Variants in AOAH observed in about 807,000 individuals in gnomAD.
AOAH encodes the protein acyloxyacyl hydrolase, also known as acyloxyacyl hydrolase (neutrophil).
AOAH carries 64 observed loss-of-function variants against 92.2 expected under a neutral mutation model. That is an observed-to-expected ratio of 0.69 (90% CI 0.57 to 0.86). AOAH has a LOEUF of 0.86. AOAH is among the 40% of genes least tolerant of loss of function. The pLI is 0.00. For missense variants in AOAH, 656 were observed against 694.6 expected (o/e 0.94, Z 0.62); for synonymous variants, 263 against 254.5 (o/e 1.03, Z -0.32).
intron 13 of AOAH, among the ~76,000 whole-genome samples, chr7:36,569,507 ATCTATCTG>A (rs1442793837): frequency 1.8e-4 from 26 of 144,364 alleles, no homozygotes; most frequent in African/African-American, 2.9e-4. Context: ...CTATCTATCT[ATCTATCTG>A]TCTATCTTTC....
At chr7:36,654,214 G>C (rs182025352) in intron 4 of AOAH, among the ~76,000 whole-genome samples, 4 of 151,194 alleles carry the variant, frequency 2.6e-5, no homozygotes, top group African/African-American at 7.2e-5. Flanking sequence ...CCCAAGATAC[G>C]TAACACAAAA....
At chr7:36,687,553 A>G (rs1176106856) in intron 1 of AOAH, among the ~76,000 whole-genome samples, 1 of 149,706 alleles carries the variant, frequency 6.7e-6, no homozygotes. Context: ...TTTTTTTTCC[A>G]AAGAAAAGGG....
intron 6 of AOAH, among the ~76,000 whole-genome samples, chr7:36,631,185 A>AAAAT (rs1489161267): frequency 2.6e-5 from 4 of 152,098 alleles, no homozygotes; most frequent in Admixed American, 6.5e-5. Context: ...GTCTCTACTA[A>AAAAT]AAATACAAAA....
chr7:36,714,723 A>G (rs535598283), intron 1 of AOAH, among the ~76,000 whole-genome samples: 1 of 152,370 alleles, frequency 6.6e-6, no homozygotes, highest in East Asian at 1.9e-4. Context: ...CTAATGACAA[A>G]AACCACATGA....
intron 20 of AOAH, 82 bp downstream of exon 20, chr7:36,521,957 T>C: frequency 1.7e-6 from 2 of 1,174,128 alleles, no homozygotes; most frequent in Middle Eastern, 3.9e-4. Context: ...AGGATAAAAA[T>C]AAACACATGA....
chr7:36,577,668 A>G (rs565152732), intron 12 of AOAH, among the ~76,000 whole-genome samples: 45 of 152,250 alleles, frequency 3.0e-4, no homozygotes, highest in African/African-American at 9.9e-4. Context: ...CTTTCGCTTA[A>G]TATAGATGTA....
chr7:36,618,188 A>G (rs1792031628), intron 10 of AOAH, 109 bp downstream of exon 10: 1 of 891,846 alleles, frequency 1.1e-6, no homozygotes, highest in Non-Finnish European at 1.8e-6. Context: ...CATAGAGTAA[A>G]TCCTAGCATC....
At chr7:36,616,291 T>G in intron 11 of AOAH, 89 bp downstream of exon 11, 1 of 1,027,998 alleles carries the variant, frequency 9.7e-7, no homozygotes, top group African/African-American at 1.6e-5. Context: ...TTTGCACCTG[T>G]GTGGAGTTGG....
chr7:36,708,580 G>A (rs1562718488), intron 1 of AOAH, among the ~76,000 whole-genome samples: 1 of 151,928 alleles, frequency 6.6e-6, no homozygotes, highest in Non-Finnish European at 1.5e-5. Context: ...CATAAGTATG[G>A]ATCTCGATTT....
Position 36,637,731 on chromosome 7 carries a change from G to C in AOAH, c.450+120C>G. The C allele has an allele frequency of 3.5e-6, 3 of 849,730 alleles. No homozygotes were observed. In the South Asian group the frequency reaches 4.6e-5, roughly 13 times the overall value. 52.6% of individuals were successfully genotyped at this position (849,730 alleles called of 1,614,324 possible). A position where few individuals can be genotyped will look rare whatever the true frequency, so the allele number is the denominator to read the frequency against. On this transcript the variant is annotated intron_variant, in intron 5 of 20. Coordinates refer to ENST00000617537, the MANE Select transcript of AOAH (RefSeq NM_001637.4). ...ACATTCCTACTTCCATCCCCACGTA[G>C]CTATGGCATGTTGCAGGCTTATATC...
chr7:36,717,042 T>C (rs1366081542), intron 1 of AOAH, among the ~76,000 whole-genome samples: 5 of 152,028 alleles, frequency 3.3e-5, no homozygotes, highest in African/African-American at 1.2e-4. Context: ...GACCCTGCAT[T>C]TGCTTAGTGT....
At chr7:36,525,569 TCA>T (rs140755917) in intron 19 of AOAH, among the ~76,000 whole-genome samples, 2,197 of 152,270 alleles carry the variant, frequency 0.014, 51 homozygotes, top group African/African-American at 0.05. Context: ...AATTCAGATA[TCA>T]GAGTTAGTGA....
chr7:36,530,172 T>C (rs189128314), intron 19 of AOAH, among the ~76,000 whole-genome samples: 2 of 152,322 alleles, frequency 1.3e-5, no homozygotes. Context: ...AGTCACTGGC[T>C]CTATTGCATC....
At position 36,538,909 on chromosome 7, in the gene AOAH, G is replaced by A. The variant is rs374909680; in HGVS notation, c.1306+1410C>T. Among the ~76,000 whole-genome samples the A allele has an allele frequency of 3.9e-5, 6 of 152,208 alleles. 1 individual carries two copies. In the East Asian group the frequency reaches 5.8e-4, roughly 15 times the overall value. ...AGAGGAAAATGGTTTCATCCTTATTGGTGGAGAATAGGGAATGTGGGTGTC... is the reference window on the plus strand; with the variant it reads ...AGAGGAAAATGGTTTCATCCTTATTAGTGGAGAATAGGGAATGTGGGTGTC... On this transcript the variant is annotated intron_variant, in intron 16 of 20. Transcript: ENST00000617537.
chr7:36,598,248 G>A (rs989027211), intron 11 of AOAH: 8 of 152,224 alleles, frequency 5.3e-5, no homozygotes, highest in African/African-American at 1.9e-4. Context: ...GGAGTGGACA[G>A]TGGCTGGTGC....
At chr7:36,630,919 G>T (rs1793027749) in intron 6 of AOAH, among the ~76,000 whole-genome samples, 1 of 152,172 alleles carries the variant, frequency 6.6e-6, no homozygotes, top group Admixed American at 6.5e-5. Context: ...TGTGAAATGG[G>T]AATAATAATA....
At chr7:36,559,519 T>C (rs142315449) in intron 13 of AOAH, among the ~76,000 whole-genome samples, 2 of 152,370 alleles carry the variant, frequency 1.3e-5, no homozygotes, top group East Asian at 3.9e-4. Context: ...TCTTTTTTCA[T>C]ATGCTTGTTG....
intron 1 of AOAH, among the ~76,000 whole-genome samples, chr7:36,713,322 A>G (rs916723096): frequency 6.6e-6 from 1 of 152,098 alleles, no homozygotes; most frequent in Non-Finnish European, 1.5e-5. Flanking sequence ...ACCCAGATTC[A>G]TAAAGCAAGT....
intron 6 of AOAH, 65 bp from the exon 7 acceptor site, chr7:36,623,315 A>T: frequency 7.0e-7 from 1 of 1,418,606 alleles, no homozygotes; most frequent in Non-Finnish European, 9.9e-7. Flanking sequence ...GGTGAAAACA[A>T]ATAGAGAGAC....
Sources: allele counts gnomAD v4.1 joint callset (sites outside exome capture counted in the v4.1 genomes callset), GRCh38; gene constraint gnomAD v4.1.1; transcripts MANE v1.5; gene names NCBI Gene and HGNC (gene_info 2026-07-23, HGNC 2026-07-21).